LTBP1: variants seen among roughly 807,000 people sequenced by gnomAD.
The protein encoded by LTBP1 is latent transforming growth factor beta binding protein 1, also known as latent-transforming growth factor beta-binding protein 1.
LTBP1 carries 129 observed loss-of-function variants against 207.6 expected under a neutral mutation model. That is an observed-to-expected ratio of 0.62 (90% CI 0.54 to 0.72). The LOEUF is 0.72. LTBP1 is among the 30% of genes least tolerant of loss of function. The pLI, the probability that LTBP1 is intolerant of heterozygous loss-of-function variation, is 0.00. For synonymous variants in LTBP1, 963 were observed against 833.7 expected (o/e 1.16, Z -2.67); for missense variants, 2,281 against 2,217.2 (o/e 1.03, Z -0.58).
chr2:33,259,842 C>G lies in LTBP1; in HGVS notation c.2418+232C>G, dbSNP rs943066757. On this transcript the variant is annotated intron_variant, in intron 13 of 33. Coordinates refer to ENST00000404816, the MANE Select transcript of LTBP1 (RefSeq NM_206943.4). The stretch of plus-strand genomic sequence containing the variant: ...TAGAGAACAAATAGGACAAAAATCT[C>G]TACTTTCATGAAGCTTCAATTCTCG... Among the ~76,000 whole-genome samples the G allele has an allele frequency of 2.6e-5, 4 of 152,096 alleles. No individual in the cohort carries two copies. The South Asian group carries it at 6.2e-4, about 24-fold the overall frequency.
chr2:33,164,518 T>C (rs2084756484), intron 5 of LTBP1, among the ~76,000 whole-genome samples: 1 of 152,120 alleles, frequency 6.6e-6, no homozygotes, highest in African/African-American at 2.4e-5. Context: ...TGCTAATGCT[T>C]ATTTATAGTA....
intron 15 of LTBP1, among the ~76,000 whole-genome samples, chr2:33,267,087 CA>C (rs1490010397): frequency 3.3e-5 from 5 of 152,244 alleles, no homozygotes; most frequent in Admixed American, 6.5e-5. Context: ...CTGGTGCCTG[CA>C]GCAGAAGTTA....
At chr2:33,237,102 C>T (rs1487152711) in intron 9 of LTBP1, among the ~76,000 whole-genome samples, 5 of 152,178 alleles carry the variant, frequency 3.3e-5, no homozygotes, top group Non-Finnish European at 7.4e-5. Flanking sequence ...GAGACTCATA[C>T]AATAGTCTTT....
Position 33,263,412 on chromosome 2 carries a change from A to G in LTBP1, c.2617+20A>G, listed in dbSNP as rs754263570. 6 of 1,562,340 alleles carry G rather than the reference A, an allele frequency of 3.8e-6. No homozygotes were observed. The highest frequency in any genetic ancestry group is 2.2e-5 in the East Asian group (1 of 44,628). On this transcript the variant is annotated intron_variant, in intron 15 of 33. Transcript: ENST00000404816. ...TGACAGGTTGGTGCAGTATTTTTACATTATATATCACATGGAGGAGACGTG... is the reference window on the plus strand; with the variant it reads ...TGACAGGTTGGTGCAGTATTTTTACGTTATATATCACATGGAGGAGACGTG...
At chr2:33,251,857 C>T (rs887406789) in intron 10 of LTBP1, among the ~76,000 whole-genome samples, 1 of 151,996 alleles carries the variant, frequency 6.6e-6, no homozygotes, top group African/African-American at 2.4e-5. Context: ...TACACTCCAT[C>T]CATATTTGCA....
intron 4 of LTBP1, among the ~76,000 whole-genome samples, chr2:33,115,124 A>G (rs1225314590): frequency 7.2e-6 from 1 of 138,332 alleles, no homozygotes; most frequent in Non-Finnish European, 1.5e-5. Flanking sequence ...ACACACATAT[A>G]TATACACACA....
intron 25 of LTBP1, among the ~76,000 whole-genome samples, chr2:33,345,082 A>C (rs143821650): frequency 2.2e-4 from 33 of 152,320 alleles, no homozygotes; most frequent in African/African-American, 7.9e-4. Flanking sequence ...AATATTTACT[A>C]AGCACCTATG....
intron 24 of LTBP1, among the ~76,000 whole-genome samples, chr2:33,341,478 G>A (rs1437634557): frequency 6.6e-6 from 1 of 151,902 alleles, no homozygotes; most frequent in African/African-American, 2.4e-5. Context: ...TTGGAAGGCC[G>A]AGGCGGGCAG....
chr2:32,980,512 C>G (rs374521324), intron 2 of LTBP1, among the ~76,000 whole-genome samples: 1 of 152,046 alleles, frequency 6.6e-6, no homozygotes, highest in African/African-American at 2.4e-5. Flanking sequence ...TGCTTTTTAA[C>G]TTTTTGTAGT....
intron 2 of LTBP1, among the ~76,000 whole-genome samples, chr2:33,020,222 G>A (rs1003997793): frequency 2.0e-5 from 3 of 151,938 alleles, no homozygotes; most frequent in African/African-American, 4.8e-5. Context: ...TCGTTTTCTC[G>A]TATGTCAAAG....
At chr2:33,373,780 C>A (rs2150251545) in intron 31 of LTBP1, among the ~76,000 whole-genome samples, 1 of 152,184 alleles carries the variant, frequency 6.6e-6, no homozygotes, top group South Asian at 2.1e-4. Context: ...ACTAGGCAAA[C>A]AATTCTGGAA....
chr2:33,275,907 G>A lies in LTBP1; in HGVS notation c.2976G>A (p.Gln992=). ...EYCDSGYRMT[Q]RGRCEDIDEC... ...GTGACAGCGGGTACCGCATGACTCA[G>A]AGAGGCCGTTGTGAGGGTGAGTCAG... The change falls in exon 18 of 34, where the codon CAG becomes CAA. Residue 992 remains glutamine (Q), a synonymous_variant. Transcript: ENST00000404816. 6.3e-7 allele frequency: 1 copy of A among 1,596,350 alleles called. No homozygotes were observed. The highest frequency in any genetic ancestry group is 8.5e-7 in the Non-Finnish European group (1 of 1,171,144).
At chr2:33,075,791 A>C (rs1318463688) in intron 3 of LTBP1, among the ~76,000 whole-genome samples, 1 of 152,240 alleles carries the variant, frequency 6.6e-6, no homozygotes, top group African/African-American at 2.4e-5. Context: ...ACACGATGCT[A>C]TTCTGATAAA....
At chr2:33,304,306 G>A (rs2094048931) in intron 22 of LTBP1, among the ~76,000 whole-genome samples, 1 of 152,116 alleles carries the variant, frequency 6.6e-6, no homozygotes, top group Non-Finnish European at 1.5e-5. Flanking sequence ...TTCCCAACTA[G>A]CAATGTTTCC....
chr2:33,157,565 A>G lies in LTBP1; in HGVS notation c.1201+22605A>G, dbSNP rs138360680. On this transcript the variant is annotated intron_variant, in intron 5 of 33. Coordinates refer to ENST00000404816, the MANE Select transcript of LTBP1 (RefSeq NM_206943.4). ...GACTTCAAGGTCATAGTTGGTGGCA[A>G]CGCTCAGATGCAGACCCAGGCTTCT... 2.2e-3 allele frequency among the ~76,000 whole-genome samples: 332 copies of G among 152,336 alleles called. 1 individual carries two copies. The highest frequency in any genetic ancestry group is 6.8e-3 in the Middle Eastern group (2 of 294).
At chr2:33,352,976 T>C (rs1420286373) in intron 26 of LTBP1, among the ~76,000 whole-genome samples, 2 of 136,872 alleles carry the variant, frequency 1.5e-5, no homozygotes, top group African/African-American at 2.7e-5. Flanking sequence ...CTTTCTTTTT[T>C]TTTTTTTTTT....
At chr2:32,992,794 C>A (rs1214119414) in intron 2 of LTBP1, among the ~76,000 whole-genome samples, 2 of 151,960 alleles carry the variant, frequency 1.3e-5, no homozygotes, top group African/African-American at 4.8e-5. Context: ...GCAGGGGGTT[C>A]AGGGTGGCGC....
intron 3 of LTBP1, among the ~76,000 whole-genome samples, chr2:33,086,919 C>T (rs945156083): frequency 1.3e-5 from 2 of 151,660 alleles, no homozygotes; most frequent in Non-Finnish European, 2.9e-5. Context: ...ATATCCCCAT[C>T]TTGTGGATAT....
At chr2:33,367,168 A>T (rs2094999685) in intron 31 of LTBP1, among the ~76,000 whole-genome samples, 1 of 152,136 alleles carries the variant, frequency 6.6e-6, no homozygotes, top group African/African-American at 2.4e-5. Flanking sequence ...AGTCTATGTC[A>T]TCAATCTAAG....
Sources: allele counts gnomAD v4.1 joint callset (sites outside exome capture counted in the v4.1 genomes callset), GRCh38; gene constraint gnomAD v4.1.1; transcripts MANE v1.5; gene names NCBI Gene and HGNC (gene_info 2026-07-23, HGNC 2026-07-21).